The following RANBP2 variants were observed in gnomAD, a reference collection of about 807,000 sequenced individuals.
RANBP2 encodes the protein E3 SUMO-protein ligase RanBP2.
Under a neutral mutation model 303.6 loss-of-function variants are expected in RANBP2, and 57 were observed. That is an observed-to-expected ratio of 0.19 (90% confidence interval 0.15 to 0.23). RANBP2 has a LOEUF of 0.23. Ranked by LOEUF, RANBP2 falls within the 10% of genes least tolerant of loss-of-function variation. The probability of loss-of-function intolerance (pLI) is 1.00; values close to 1 mark genes in which losing one functional copy is unlikely to be tolerated. For missense variants in RANBP2, 3,138 were observed against 3,780.8 expected, an observed-to-expected ratio of 0.83 and a Z score of 4.46; for synonymous variants, 1,167 against 1,301.5, an observed-to-expected ratio of 0.90 and a Z score of 2.23.
At chr2:109,055,532 C>CTTTT in the RANBP2 span, among the ~76,000 whole-genome samples, 2 of 150,634 alleles carry the variant, frequency 1.3e-5, no homozygotes, top group South Asian at 4.2e-4. Flanking sequence ...GGCTAATTTT[C>CTTTT]TTTTCTTTTC....
At chr2:109,640,832 G>A in the RANBP2 span, among the ~76,000 whole-genome samples, 2 of 152,156 alleles carry the variant, frequency 1.3e-5, no homozygotes, top group Non-Finnish European at 2.9e-5. Flanking sequence ...AGGCCCAGGT[G>A]TAGCAGGAAG....
At chr2:109,479,110 T>G in the RANBP2 span, among the ~76,000 whole-genome samples, 1 of 152,172 alleles carries the variant, frequency 6.6e-6, no homozygotes, top group African/African-American at 2.4e-5. Context: ...CACACACTTC[T>G]CAACGTGGAC....
chr2:108,739,672 G>A (rs1326101887), intron 6 of RANBP2, among the ~76,000 whole-genome samples: 6 of 152,062 alleles, frequency 3.9e-5, no homozygotes, highest in Admixed American at 6.6e-5. Context: ...GGATTTAGAA[G>A]AACTAATTTA....
chr2:109,231,989 G>T, the RANBP2 span, among the ~76,000 whole-genome samples: 2 of 152,190 alleles, frequency 1.3e-5, no homozygotes, highest in African/African-American at 4.8e-5. Context: ...ATCCTTTTTA[G>T]TACTGATGTG....
the RANBP2 span, among the ~76,000 whole-genome samples, chr2:109,062,119 C>T: frequency 6.6e-6 from 1 of 152,144 alleles, no homozygotes; most frequent in Non-Finnish European, 1.5e-5. Context: ...GTTTCTCTCC[C>T]TCTCCCAGAG....
chr2:109,078,921 G>A, the RANBP2 span, among the ~76,000 whole-genome samples: 1 of 151,968 alleles, frequency 6.6e-6, no homozygotes, highest in Non-Finnish European at 1.5e-5. Flanking sequence ...AACCCGGGAG[G>A]CGGAGCTTGC....
chr2:109,573,457 G>T, the RANBP2 span, among the ~76,000 whole-genome samples: 1 of 152,154 alleles, frequency 6.6e-6, no homozygotes, highest in Non-Finnish European at 1.5e-5. Context: ...TAGAACATCT[G>T]ATCACATGTG....
At chr2:108,797,171 G>A in the RANBP2 span, among the ~76,000 whole-genome samples, 1 of 152,122 alleles carries the variant, frequency 6.6e-6, no homozygotes, top group African/African-American at 2.4e-5. Context: ...AGGGTATAAG[G>A]AATGAGAAGG....
chr2:108,787,107 G>T (rs1279901637), downstream of RANBP2, among the ~76,000 whole-genome samples: 2 of 152,174 alleles, frequency 1.3e-5, no homozygotes, highest in Non-Finnish European at 2.9e-5. Context: ...GTGCGGGGGT[G>T]CCGCTTCACC....
chr2:108,724,409 TCTTTA>T (rs1694529023), intron 1 of RANBP2, among the ~76,000 whole-genome samples: 1 of 152,182 alleles, frequency 6.6e-6, no homozygotes, highest in Admixed American at 6.5e-5. Context: ...CTTTAAAATG[TCTTTA>T]CTTAATTTAG....
the RANBP2 span, chr2:109,615,608 C>T: frequency 1.9e-6 from 3 of 1,613,738 alleles, no homozygotes; most frequent in Non-Finnish European, 2.5e-6. Context: ...TCAGGGACTA[C>T]AGTGGGAAAA....
chr2:109,379,963 C>A, the RANBP2 span, among the ~76,000 whole-genome samples: 1 of 152,160 alleles, frequency 6.6e-6, no homozygotes, highest in Non-Finnish European at 1.5e-5. Flanking sequence ...CTTGCCTTCA[C>A]CAGTAACCCA....
the RANBP2 span, among the ~76,000 whole-genome samples, chr2:109,395,161 AG>A: frequency 2.0e-5 from 3 of 152,270 alleles, no homozygotes; most frequent in East Asian, 5.8e-4. Flanking sequence ...CAGGCAGGCC[AG>A]TGCGTGCGCT....
the RANBP2 span, among the ~76,000 whole-genome samples, chr2:109,669,259 T>G: frequency 1.3e-5 from 2 of 152,160 alleles, no homozygotes; most frequent in Non-Finnish European, 2.9e-5. Context: ...TCCAAGACAC[T>G]GGTCTAGGCA....
chr2:109,662,757 A>G, the RANBP2 span, among the ~76,000 whole-genome samples: 77 of 152,270 alleles, frequency 5.1e-4, no homozygotes, highest in East Asian at 0.012. Context: ...ATCTCTTGCA[A>G]ATAAACCTAA....
At chr2:109,402,088 G>C in the RANBP2 span, among the ~76,000 whole-genome samples, 1 of 152,240 alleles carries the variant, frequency 6.6e-6, no homozygotes, top group South Asian at 2.1e-4. Flanking sequence ...GGCACCTGGT[G>C]CAGGTGTGAG....
chr2:109,560,390 TG>T, the RANBP2 span, among the ~76,000 whole-genome samples: 2 of 152,158 alleles, frequency 1.3e-5, no homozygotes, highest in Non-Finnish European at 2.9e-5. Flanking sequence ...GTGACACTGC[TG>T]GTTTTCCTCC....
At chr2:108,733,169 C>T (rs1202665696) in intron 4 of RANBP2, among the ~76,000 whole-genome samples, 1 of 151,686 alleles carries the variant, frequency 6.6e-6, no homozygotes, top group African/African-American at 2.4e-5. Flanking sequence ...ACCATAATAC[C>T]ATTTGTGATC....
chr2:109,426,170 A>G, the RANBP2 span, among the ~76,000 whole-genome samples: 1 of 152,186 alleles, frequency 6.6e-6, no homozygotes, highest in African/African-American at 2.4e-5. Context: ...TGGCCTCCCA[A>G]AGCGCTGGGA....
Sources: gnomAD v4.1 joint callset for allele counts (sites outside exome capture counted in the v4.1 genomes callset) on GRCh38, gnomAD v4.1.1 for gene constraint, MANE v1.5 for transcripts, NCBI Gene and HGNC (gene_info 2026-07-23, HGNC 2026-07-21) for gene names.